The following RASGRP3 variants were observed in gnomAD, a reference collection of about 807,000 sequenced individuals.
RASGRP3 encodes the protein ras guanyl-releasing protein 3.
A neutral mutation model predicts 82.7 loss-of-function variants in RASGRP3; 54 were observed. The ratio of observed to expected loss-of-function variants is 0.65; its 90% CI spans 0.52 to 0.82. RASGRP3 has a LOEUF of 0.82. Among genes scored for constraint, RASGRP3 ranks in the 40% least tolerant of loss-of-function variants. The pLI is 0.00. For missense variants in RASGRP3, 861 were observed against 828.9 expected (o/e 1.04, Z -0.48); for synonymous variants, 309 against 300.5 (o/e 1.03, Z -0.29).
intron 1 of RASGRP3, among the ~76,000 whole-genome samples, chr2:33,436,841 T>A (rs1343874798): frequency 2.0e-5 from 3 of 152,210 alleles, no homozygotes; most frequent in Admixed American, 2.0e-4. Context: ...TTCATTATTA[T>A]CAGGGGTTTA....
chr2:33,523,245 T>C (rs185862109), intron 7 of RASGRP3, among the ~76,000 whole-genome samples: 1,552 of 152,188 alleles, frequency 0.01, 11 homozygotes, highest in Middle Eastern at 0.024. Context: ...GGGCAGATCA[T>C]GAGGTCAAGA....
rs147602105 is a variant in RASGRP3, at chr2:33,525,571, A to G, written c.807+1023A>G. 3.3e-3 allele frequency among the ~76,000 whole-genome samples: 506 copies of G among 151,948 alleles called. 2 individuals are homozygous for G. Among genetic ancestry groups the G allele is most frequent in the African/African-American group, 0.011 (470 of 41,424 alleles). ...TCTACAGCAATTAAACAATAAGCAA[A>G]TGTATCGTCCATCAGGCGTGGTGGC... On this transcript the variant is annotated intron_variant, in intron 9 of 17. Coordinates refer to ENST00000403687, the MANE Select transcript of RASGRP3 (RefSeq NM_001139488.2).
chr2:33,546,756 C>T (rs910232502), intron 13 of RASGRP3, among the ~76,000 whole-genome samples: 3 of 151,884 alleles, frequency 2.0e-5, no homozygotes, highest in Non-Finnish European at 4.4e-5. Flanking sequence ...ACATCATGGA[C>T]TATTATGCAG....
chr2:33,547,053 GAAA>G (rs767124838), intron 13 of RASGRP3, among the ~76,000 whole-genome samples: 96 of 123,908 alleles, frequency 7.7e-4, no homozygotes, highest in African/African-American at 1.7e-3. Flanking sequence ...CTGTCTCAGG[GAAA>G]AAAAAAAAAA....
At chr2:33,516,816 A>C (rs1431571450) in intron 4 of RASGRP3, 172 bp downstream of exon 4, 1 of 476,462 alleles carries the variant, frequency 2.1e-6, no homozygotes, top group African/African-American at 2.0e-5. Flanking sequence ...GATAGACCAG[A>C]TAGTTGACTC....
At chr2:33,528,975 T>G (rs761602305) in intron 10 of RASGRP3, among the ~76,000 whole-genome samples, 1 of 152,188 alleles carries the variant, frequency 6.6e-6, no homozygotes, top group Non-Finnish European at 1.5e-5. Flanking sequence ...CCACAGGTGA[T>G]GTCTGCAGAC....
chr2:33,539,283 C>G (rs1006511336), intron 12 of RASGRP3, 73 bp downstream of exon 12: 2 of 1,252,548 alleles, frequency 1.6e-6, no homozygotes, highest in East Asian at 2.5e-5. Flanking sequence ...CTGCGATTGT[C>G]CAGGAATCTG....
At position 33,527,263 on chromosome 2, in the gene RASGRP3, G is replaced by A. The variant is rs765661757; in HGVS notation, c.934G>A (p.Val312Ile). 1 of 1,614,004 alleles carries A rather than the reference G, an allele frequency of 6.2e-7. No individual in the cohort carries two copies. ...LGVHLKDLIA[V>I]HVIFPDWTEE... ...AGTACACTTGAAAGACTTGATAGCTGTCCATGTCATTTTCCCAGACTGGAC... is the reference window on the plus strand; with the variant it reads ...AGTACACTTGAAAGACTTGATAGCTATCCATGTCATTTTCCCAGACTGGAC... Residue 312 changes from valine (V) to isoleucine (I), a missense_variant, in exon 10 of 18, where the codon GTC becomes ATC. Coordinates refer to ENST00000403687, the MANE Select transcript of RASGRP3 (RefSeq NM_001139488.2).
chr2:33,505,375 T>C (rs1351203380), intron 1 of RASGRP3, among the ~76,000 whole-genome samples: 3 of 151,688 alleles, frequency 2.0e-5, no homozygotes, highest in African/African-American at 7.3e-5. Context: ...CGATCTTGGC[T>C]CACCACAACC....
At position 33,543,553 on chromosome 2, in the gene RASGRP3, T is replaced by G. The variant is rs1674466756; in HGVS notation, c.1320T>G (p.Ile440Met). 2 of 1,611,504 alleles carry G rather than the reference T, an allele frequency of 1.2e-6. No homozygotes were observed. ...ATGATCACGACCATGATGGGTACAT[T>G]TCCCAAGAGGACTTTGAAAGTATAG... ...RNYDHDHDGY[I>M]SQEDFESIAA... The change falls in exon 13 of 18, where the codon ATT becomes ATG. Residue 440 changes from isoleucine (I) to methionine (M), a missense_variant. By Grantham distance (10) the Ile-to-Met change is conservative (BLOSUM62 1). Coordinates refer to ENST00000403687, the MANE Select transcript of RASGRP3 (RefSeq NM_001139488.2).
At chr2:33,451,356 C>A (rs1156914151) in intron 2 of RASGRP3, among the ~76,000 whole-genome samples, 3 of 152,050 alleles carry the variant, frequency 2.0e-5, no homozygotes, top group Admixed American at 2.0e-4. Flanking sequence ...TCTACCATCC[C>A]ACAGGCTGTC....
intron 7 of RASGRP3, 37 bp from the exon 8 acceptor site, chr2:33,523,842 T>C: frequency 1.3e-6 from 2 of 1,543,996 alleles, no homozygotes; most frequent in Non-Finnish European, 1.8e-6. Context: ...ACAAAGGCTC[T>C]ATTATAATTC....
chr2:33,466,382 G>C (rs1666695676), intron 2 of RASGRP3, among the ~76,000 whole-genome samples: 1 of 152,132 alleles, frequency 6.6e-6, no homozygotes, highest in Admixed American at 6.5e-5. Flanking sequence ...AGGGGTTTAA[G>C]ATTTCAGCGG....
At chr2:33,507,971 C>G (rs1670550506) in intron 1 of RASGRP3, among the ~76,000 whole-genome samples, 1 of 152,136 alleles carries the variant, frequency 6.6e-6, no homozygotes, top group East Asian at 1.9e-4. Context: ...CAGCATGTGT[C>G]CATGGAGAAG....
At chr2:33,449,082 CTGTT>C (rs1352723915) in intron 2 of RASGRP3, among the ~76,000 whole-genome samples, 2 of 152,160 alleles carry the variant, frequency 1.3e-5, no homozygotes, top group East Asian at 1.9e-4. Flanking sequence ...TGATTACTCT[CTGTT>C]TGGGGCTTTA....
intron 13 of RASGRP3, among the ~76,000 whole-genome samples, chr2:33,546,316 G>T (rs561345339): frequency 6.6e-6 from 1 of 151,762 alleles, no homozygotes; most frequent in Admixed American, 6.6e-5. Flanking sequence ...CCAGCTACTC[G>T]GGAGGCTGAG....
In RASGRP3 at chr2:33,564,699, CTT is replaced by C. The variant is rs374126077; in HGVS notation, c.*1963_*1964del. On this transcript the variant is annotated 3_prime_UTR_variant, in exon 18 of 18. Transcript: ENST00000403687. The stretch of plus-strand genomic sequence containing the variant: ...CCTGTGATAAAGATATTAAATGTAA[CTT>C]GAGTAAAAAATAAAAAAGAATAACT... The C allele has an allele frequency of 9.9e-4, 151 of 151,992 alleles. No homozygotes were observed. The highest frequency in any genetic ancestry group is 3.4e-3 in the African/African-American group (141 of 41,428). 9.4% of individuals were successfully genotyped at this position (151,992 alleles called of 1,614,324 possible). A position where few individuals can be genotyped will look rare whatever the true frequency, so the allele number is the denominator to read the frequency against.
intron 2 of RASGRP3, among the ~76,000 whole-genome samples, chr2:33,453,819 C>T (rs1354711150): frequency 6.6e-6 from 1 of 152,144 alleles, no homozygotes; most frequent in Non-Finnish European, 1.5e-5. Flanking sequence ...CTCCTTTGTA[C>T]TTTTCTATAC....
At chr2:33,555,649 G>C in intron 15 of RASGRP3, 82 bp downstream of exon 15, 2 of 1,214,518 alleles carry the variant, frequency 1.6e-6, no homozygotes. Flanking sequence ...AACTACAAAA[G>C]CTCTTGCCAT....
Sources: allele counts gnomAD v4.1 joint callset (sites outside exome capture counted in the v4.1 genomes callset), GRCh38; gene constraint gnomAD v4.1.1; transcripts MANE v1.5; gene names NCBI Gene and HGNC (gene_info 2026-07-23, HGNC 2026-07-21).